SNX29: variants seen among roughly 807,000 people sequenced by gnomAD.
SNX29 encodes sorting nexin-29.
Under a neutral mutation model 102.1 loss-of-function variants are expected in SNX29, and 78 were observed. That is an observed-to-expected ratio of 0.76 (90% CI 0.64 to 0.92). The LOEUF (loss-of-function observed/expected upper bound fraction) is 0.92. SNX29 is among the 40% of genes least tolerant of loss of function. The pLI, the probability that SNX29 is intolerant of heterozygous loss-of-function variation, is 0.00. For missense variants in SNX29, 1,280 were observed against 1,061.7 expected, an observed-to-expected ratio of 1.21 and a Z score of -2.86; for synonymous variants, 580 against 414.5, an observed-to-expected ratio of 1.40 and a Z score of -4.85.
chr16:12,326,500 G>C (rs974848684), intron 15 of SNX29, among the ~76,000 whole-genome samples: 15 of 152,044 alleles, frequency 9.9e-5, no homozygotes, highest in African/African-American at 3.6e-4. Flanking sequence ...TGTGGTCTCT[G>C]TCACATCTGC....
intron 18 of SNX29, among the ~76,000 whole-genome samples, chr16:12,414,617 C>T (rs2084548632): frequency 6.6e-6 from 1 of 152,160 alleles, no homozygotes; most frequent in Non-Finnish European, 1.5e-5. Context: ...TGCTCCCTCA[C>T]CTGAAGGGAG....
chr16:12,065,821 A>G (rs2151288025), intron 9 of SNX29, among the ~76,000 whole-genome samples: 1 of 152,280 alleles, frequency 6.6e-6, no homozygotes, highest in South Asian at 2.1e-4. Context: ...TAAAGTGGGT[A>G]CAGGCTCAGC....
chr16:12,226,979 T>C (rs2077629751), intron 14 of SNX29, among the ~76,000 whole-genome samples: 1 of 152,134 alleles, frequency 6.6e-6, no homozygotes, highest in Non-Finnish European at 1.5e-5. Context: ...CGAGACCGGA[T>C]TTGAATCTAT....
chr16:12,360,114 G>A (rs368954315), intron 16 of SNX29, among the ~76,000 whole-genome samples: 4 of 152,172 alleles, frequency 2.6e-5, no homozygotes, highest in South Asian at 4.1e-4. Context: ...GTGAGCCACC[G>A]CACCTGGCCT....
chr16:12,555,219 G>C (rs917061335), intron 20 of SNX29, among the ~76,000 whole-genome samples: 3 of 151,782 alleles, frequency 2.0e-5, no homozygotes, highest in African/African-American at 7.3e-5. Context: ...GCAGCTGCTG[G>C]GTACAGGGAG....
At chr16:12,093,438 C>CG (rs1344539485) in intron 11 of SNX29, among the ~76,000 whole-genome samples, 5 of 151,808 alleles carry the variant, frequency 3.3e-5, no homozygotes, top group Non-Finnish European at 5.9e-5. Context: ...AGTGAGACCC[C>CG]CTCTCTTTAC....
chr16:12,231,544 AAAAAAC>A, intron 14 of SNX29, among the ~76,000 whole-genome samples: 1 of 51,760 alleles, frequency 1.9e-5, no homozygotes, highest in Non-Finnish European at 8.1e-5. Flanking sequence ...AAAAAAAAAC[AAAAAAC>A]AAAAAACAAA....
In SNX29 at chr16:12,430,238, G is replaced by A. The variant is rs969166604; in HGVS notation, c.2037+26709G>A. 4.6e-5 allele frequency among the ~76,000 whole-genome samples: 7 copies of A among 152,220 alleles called. No individual in the cohort carries two copies. The East Asian group carries it at 5.8e-4, about 13-fold the overall frequency. ...AGTCCATGGAAAAATTGTCTTCCAC[G>A]AAATTGGTCCCTGGTGCCAAAATGG... On this transcript the variant is annotated intron_variant, in intron 18 of 20. Coordinates refer to ENST00000566228, the MANE Select transcript of SNX29 (RefSeq NM_032167.5).
At chr16:12,385,692 C>T (rs968145430) in intron 16 of SNX29, among the ~76,000 whole-genome samples, 1 of 152,228 alleles carries the variant, frequency 6.6e-6, no homozygotes, top group Non-Finnish European at 1.5e-5. Context: ...CGTGTGTGCT[C>T]TAGGCCACTT....
chr16:12,182,265 G>T (rs1321316064), intron 13 of SNX29, among the ~76,000 whole-genome samples: 1 of 148,116 alleles, frequency 6.8e-6, no homozygotes, highest in East Asian at 2.0e-4. Flanking sequence ...CGTCTTTCCA[G>T]AATCTATTTC....
chr16:12,530,975 A>AT (rs1447453233), intron 20 of SNX29, among the ~76,000 whole-genome samples: 2 of 152,068 alleles, frequency 1.3e-5, no homozygotes, highest in African/African-American at 4.8e-5. Flanking sequence ...AGGTTTCCAG[A>AT]TTTTTCTCCC....
At chr16:12,529,007 C>T (rs1011615177) in intron 20 of SNX29, among the ~76,000 whole-genome samples, 3 of 152,324 alleles carry the variant, frequency 2.0e-5, no homozygotes, top group South Asian at 2.1e-4. Flanking sequence ...TTCCATTTGA[C>T]GTGTCCATAT....
At chr16:12,562,284 C>T (rs976432871) in intron 20 of SNX29, among the ~76,000 whole-genome samples, 4 of 152,170 alleles carry the variant, frequency 2.6e-5, no homozygotes, top group Non-Finnish European at 5.9e-5. Flanking sequence ...CACGCTCTAT[C>T]CCAGCATCAA....
chr16:12,472,480 C>A (rs1168802019), intron 18 of SNX29, among the ~76,000 whole-genome samples: 1 of 144,858 alleles, frequency 6.9e-6, no homozygotes, highest in Non-Finnish European at 1.5e-5. Flanking sequence ...GATCATGCCA[C>A]TGCACTTCAG....
intron 8 of SNX29, among the ~76,000 whole-genome samples, chr16:12,053,808 A>T (rs963615654): frequency 1.3e-5 from 2 of 151,896 alleles, no homozygotes; most frequent in African/African-American, 4.8e-5. Context: ...TTTATACCCT[A>T]TATTGTAAGA....
At chr16:12,556,658 A>T (rs1045672826) in intron 20 of SNX29, 23 of 152,366 alleles carry the variant, frequency 1.5e-4, no homozygotes, top group African/African-American at 5.3e-4. Flanking sequence ...CACAGCAGAG[A>T]CAGAAGTGGA....
intron 16 of SNX29, among the ~76,000 whole-genome samples, chr16:12,382,649 CGT>C (rs1441218670): frequency 6.6e-6 from 1 of 152,190 alleles, no homozygotes; most frequent in Non-Finnish European, 1.5e-5. Context: ...AAACAACATA[CGT>C]TTATTTGCTC....
intron 15 of SNX29, among the ~76,000 whole-genome samples, chr16:12,332,218 C>T (rs534761417): frequency 6.1e-4 from 93 of 152,102 alleles, no homozygotes; most frequent in Non-Finnish European, 1.1e-3. Context: ...GCCAGGTGTG[C>T]GTGCGGTGTG....
chr16:12,037,142 CA>C (rs1397491146), intron 4 of SNX29, among the ~76,000 whole-genome samples: 1 of 152,172 alleles, frequency 6.6e-6, no homozygotes, highest in African/African-American at 2.4e-5. Context: ...CCTTACGGGT[CA>C]TATTATAGGG....
Sources: allele counts gnomAD v4.1 joint callset (sites outside exome capture counted in the v4.1 genomes callset), GRCh38; gene constraint gnomAD v4.1.1; transcripts MANE v1.5; gene names NCBI Gene and HGNC (gene_info 2026-07-23, HGNC 2026-07-21).